OR2L13: variants seen among roughly 807,000 people sequenced by gnomAD.
OR2L13 encodes olfactory receptor 2L13.
Under a neutral mutation model 15.3 loss-of-function variants are expected in OR2L13, and 14 were observed. The observed-to-expected ratio is 0.91, with a 90% CI of 0.60 to 1.43. The LOEUF (loss-of-function observed/expected upper bound fraction) is 1.43. Among genes scored for constraint, OR2L13 ranks in the 40% most tolerant of loss-of-function variants. OR2L13 has a pLI of 0.00. For synonymous variants in OR2L13, 152 were observed against 142.9 expected (o/e 1.06, Z -0.45); for missense variants, 367 against 387.9 (o/e 0.95, Z 0.45).
the OR2L13 span, chr1:248,038,635 T>C: frequency 2.4e-4 from 392 of 1,614,030 alleles, 2 homozygotes; most frequent in Non-Finnish European, 3.2e-4. Context: ...GATCGTTATG[T>C]GGCCATTTGC....
chr1:247,991,129 A>C, the OR2L13 span: 1 of 1,606,452 alleles, frequency 6.2e-7, no homozygotes, highest in Non-Finnish European at 8.5e-7. Context: ...CAACCCCATC[A>C]TCTACAGCCT....
chr1:247,997,016 GTGGTGTTT>G, the OR2L13 span: 2 of 152,224 alleles, frequency 1.3e-5, no homozygotes, highest in Non-Finnish European at 2.9e-5. Flanking sequence ...TCTGAGTGCA[GTGGTGTTT>G]ACAATTGATC....
chr1:247,999,313 A>G, the OR2L13 span, among the ~76,000 whole-genome samples: 2 of 152,100 alleles, frequency 1.3e-5, no homozygotes, highest in African/African-American at 4.8e-5. Context: ...TTTCATAATC[A>G]GTTTCTATAT....
the OR2L13 span, among the ~76,000 whole-genome samples, chr1:248,077,010 C>T: frequency 3.3e-5 from 5 of 152,082 alleles, no homozygotes; most frequent in Non-Finnish European, 7.4e-5. Flanking sequence ...TTTTGAGATA[C>T]GTCCCATCAA....
chr1:248,031,332 A>G, the OR2L13 span, among the ~76,000 whole-genome samples: 1 of 152,240 alleles, frequency 6.6e-6, no homozygotes, highest in East Asian at 1.9e-4. Context: ...GAGATATTGT[A>G]ACATCGCAGA....
the OR2L13 span, among the ~76,000 whole-genome samples, chr1:247,980,207 C>A: frequency 3.9e-5 from 6 of 152,048 alleles, no homozygotes; most frequent in African/African-American, 1.4e-4. Flanking sequence ...ATAGTTGCAT[C>A]ATTTTTATCA....
chr1:247,994,606 G>A, the OR2L13 span, among the ~76,000 whole-genome samples: 1 of 152,160 alleles, frequency 6.6e-6, no homozygotes, highest in Non-Finnish European at 1.5e-5. Context: ...GTTACTAGCA[G>A]TGGGGAGGGA....
chr1:248,047,869 C>G, the OR2L13 span, among the ~76,000 whole-genome samples: 2 of 152,056 alleles, frequency 1.3e-5, no homozygotes, highest in African/African-American at 4.8e-5. Context: ...AGTGATACAC[C>G]CAGTCAAGTA....
At chr1:248,050,765 AG>A in the OR2L13 span, among the ~76,000 whole-genome samples, 2 of 152,200 alleles carry the variant, frequency 1.3e-5, no homozygotes, top group Non-Finnish European at 2.9e-5. Context: ...TAATTATACT[AG>A]TAATATAAAT....
chr1:248,068,808 C>G, the OR2L13 span, among the ~76,000 whole-genome samples: 2 of 151,932 alleles, frequency 1.3e-5, no homozygotes, highest in East Asian at 1.9e-4. Flanking sequence ...AGCCAAGGCT[C>G]GAGAACTACA....
chr1:247,950,199 CT>C, the OR2L13 span, among the ~76,000 whole-genome samples: 1 of 151,978 alleles, frequency 6.6e-6, no homozygotes, highest in Non-Finnish European at 1.5e-5. Flanking sequence ...CTTGGTGGAT[CT>C]AATTGAAAGC....
chr1:248,027,838 T>A, the OR2L13 span, among the ~76,000 whole-genome samples: 1 of 151,954 alleles, frequency 6.6e-6, no homozygotes, highest in African/African-American at 2.4e-5. Context: ...TCCCCACACT[T>A]TAGCCCATCA....
chr1:248,023,747 G>C, the OR2L13 span: 2 of 152,128 alleles, frequency 1.3e-5, no homozygotes, highest in Non-Finnish European at 2.9e-5. Context: ...TCCATTCTCT[G>C]AGTGAAAGGC....
exon 3 of OR2L13, chr1:248,100,230 T>C: frequency 6.2e-7 from 1 of 1,613,362 alleles, no homozygotes. Flanking sequence ...CCATGCTCAA[T>C]CCCATTATCT....
chr1:248,042,648 T>C, the OR2L13 span, among the ~76,000 whole-genome samples: 1 of 152,180 alleles, frequency 6.6e-6, no homozygotes, highest in Non-Finnish European at 1.5e-5. Flanking sequence ...ACATGTCACA[T>C]AAAATGATGA....
the OR2L13 span, among the ~76,000 whole-genome samples, chr1:247,960,815 C>T: frequency 3.6e-3 from 542 of 152,292 alleles, 5 homozygotes; most frequent in African/African-American, 0.011. Context: ...GGGAGTGACC[C>T]GATTTTCCAG....
chr1:248,055,963 A>G, the OR2L13 span: 1 of 152,214 alleles, frequency 6.6e-6, no homozygotes, highest in African/African-American at 2.4e-5. Flanking sequence ...TTATTGGTCT[A>G]TTTAGGGATT....
chr1:248,016,355 G>A, the OR2L13 span, among the ~76,000 whole-genome samples: 4 of 151,986 alleles, frequency 2.6e-5, no homozygotes, highest in African/African-American at 7.2e-5. Context: ...CTTTTATGTT[G>A]GGAACATGGT....
the OR2L13 span, chr1:247,980,774 G>A: frequency 9.2e-5 from 14 of 152,148 alleles, no homozygotes; most frequent in African/African-American, 3.4e-4. Flanking sequence ...TCACCATGAA[G>A]CTCTCTAAAA....
Sources: gnomAD v4.1 joint callset for allele counts (sites outside exome capture counted in the v4.1 genomes callset) on GRCh38, gnomAD v4.1.1 for gene constraint, MANE v1.5 for transcripts, NCBI Gene and HGNC (gene_info 2026-07-23, HGNC 2026-07-21) for gene names.